The following CTNNBL1 variants were observed in gnomAD, a reference collection of about 807,000 sequenced individuals.
CTNNBL1 encodes beta-catenin-like protein 1.
A neutral mutation model predicts 72.7 loss-of-function variants in CTNNBL1; 31 were observed. The observed-to-expected ratio is 0.43, with a 90% CI of 0.32 to 0.58. CTNNBL1 has a LOEUF of 0.58. Among genes scored for constraint, CTNNBL1 ranks in the 20% least tolerant of loss-of-function variants. The probability of loss-of-function intolerance (pLI) is 0.08; values close to 1 mark genes in which losing one functional copy is unlikely to be tolerated. For synonymous variants in CTNNBL1, 240 were observed against 267.3 expected (o/e 0.90, Z 1.00); for missense variants, 534 against 725.1 (o/e 0.74, Z 3.03).
intron 5 of CTNNBL1, among the ~76,000 whole-genome samples, chr20:37,760,236 C>G (rs975456993): frequency 6.6e-6 from 1 of 152,164 alleles, no homozygotes; most frequent in African/African-American, 2.4e-5. Context: ...GCTTACCTCT[C>G]CAAAGATGAC....
intron 13 of CTNNBL1, among the ~76,000 whole-genome samples, chr20:37,858,302 ACT>A (rs1353219720): frequency 1.3e-5 from 2 of 152,198 alleles, no homozygotes; most frequent in Admixed American, 6.5e-5. Context: ...CTCACAGTCC[ACT>A]CTCATGAAAT....
chr20:37,831,935 AT>A (rs1393081439), intron 11 of CTNNBL1, among the ~76,000 whole-genome samples: 11 of 152,214 alleles, frequency 7.2e-5, no homozygotes, highest in Non-Finnish European at 1.5e-4. Context: ...AAGGCAAATG[AT>A]TATCATGGCC....
intron 1 of CTNNBL1, among the ~76,000 whole-genome samples, chr20:37,716,451 A>G (rs1020714957): frequency 4.6e-5 from 7 of 152,278 alleles, no homozygotes; most frequent in African/African-American, 1.7e-4. Flanking sequence ...CAGGTGGGGA[A>G]GTATTTCTGA....
chr20:37,804,569 A>G (rs558977527), intron 11 of CTNNBL1, among the ~76,000 whole-genome samples: 1 of 152,350 alleles, frequency 6.6e-6, no homozygotes, highest in Admixed American at 6.5e-5. Flanking sequence ...AGAAGCTCTG[A>G]TAGCCACACC....
chr20:37,822,011 G>T (rs550705960), intron 11 of CTNNBL1, among the ~76,000 whole-genome samples: 1 of 152,120 alleles, frequency 6.6e-6, no homozygotes, highest in Admixed American at 6.5e-5. Context: ...AGATCTTCCA[G>T]ATCTCAGGAC....
chr20:37,805,185 C>T (rs1346771340), intron 11 of CTNNBL1, among the ~76,000 whole-genome samples: 1 of 152,224 alleles, frequency 6.6e-6, no homozygotes, highest in Admixed American at 6.5e-5. Context: ...TGTTGGCCTC[C>T]GAGTGCCAGC....
intron 9 of CTNNBL1, among the ~76,000 whole-genome samples, chr20:37,778,641 G>A (rs1004881793): frequency 6.6e-6 from 1 of 152,180 alleles, no homozygotes; most frequent in Non-Finnish European, 1.5e-5. Flanking sequence ...GCTCCCCTGT[G>A]AGGGAATTCA....
intron 1 of CTNNBL1, chr20:37,727,155 T>C (rs1249197412): frequency 6.3e-6 from 1 of 158,016 alleles, no homozygotes; most frequent in East Asian, 1.9e-4. Flanking sequence ...CACTGCTTTT[T>C]AATTAAAAAA....
chr20:37,866,573 T>C (rs2072538875), intron 15 of CTNNBL1, among the ~76,000 whole-genome samples: 1 of 152,204 alleles, frequency 6.6e-6, no homozygotes, highest in African/African-American at 2.4e-5. Flanking sequence ...GCCTGTTACA[T>C]GTTAGCTGTC....
intron 1 of CTNNBL1, among the ~76,000 whole-genome samples, chr20:37,703,567 G>A (rs1420299934): frequency 1.3e-5 from 2 of 152,114 alleles, no homozygotes; most frequent in Non-Finnish European, 2.9e-5. Context: ...TTTGCAGACA[G>A]CTCTTAGTTC....
chr20:37,816,475 G>A (rs1047691219), intron 11 of CTNNBL1, among the ~76,000 whole-genome samples: 1 of 152,136 alleles, frequency 6.6e-6, no homozygotes, highest in South Asian at 2.1e-4. Context: ...CTTGAGTGTC[G>A]TTTGTTCTCT....
At chr20:37,754,690 G>A (rs188621073) in intron 4 of CTNNBL1, among the ~76,000 whole-genome samples, 38 of 152,222 alleles carry the variant, frequency 2.5e-4, no homozygotes, top group African/African-American at 7.9e-4. Flanking sequence ...GAATGTAGCC[G>A]TGTTTAAACT....
chr20:37,708,178 C>T (rs565656974), intron 1 of CTNNBL1, among the ~76,000 whole-genome samples: 40 of 151,160 alleles, frequency 2.6e-4, no homozygotes, highest in Middle Eastern at 3.5e-3. Context: ...AAAATGGCAG[C>T]GATAGACTTT....
intron 7 of CTNNBL1, among the ~76,000 whole-genome samples, chr20:37,775,871 G>C (rs79310926): frequency 0.013 from 1,937 of 152,308 alleles, 16 homozygotes; most frequent in Middle Eastern, 0.031. Context: ...TTTCAGTTAA[G>C]TGTCTTGTTT....
chr20:37,775,622 T>G (rs1426478672), intron 7 of CTNNBL1, among the ~76,000 whole-genome samples: 1 of 152,226 alleles, frequency 6.6e-6, no homozygotes, highest in African/African-American at 2.4e-5. Flanking sequence ...TTAATTTTAA[T>G]TCAGTGTAAG....
intron 10 of CTNNBL1, 70 bp from the exon 11 acceptor site, chr20:37,802,797 A>G: frequency 8.1e-7 from 1 of 1,236,472 alleles, no homozygotes; most frequent in Non-Finnish European, 1.1e-6. Flanking sequence ...GGCAGCAAAT[A>G]CCCTTTTTTT....
Position 37,842,416 on chromosome 20 carries a change from A to G in CTNNBL1, c.1389A>G (p.Lys463=), listed in dbSNP as rs527292299. Residue 463 remains lysine, a synonymous_variant, in exon 13 of 16, where the codon AAA becomes AAG. Transcript: ENST00000361383. The part of the protein sequence containing the change: ...QVADKKIEGE[K]HDMVRRGEII... The stretch of plus-strand genomic sequence containing the variant: ...CGGACAAGAAGATTGAAGGGGAAAA[A>G]CACGTATGTATCCCTGCCTCACTTT... 2.0e-5 allele frequency: 32 copies of G among 1,611,444 alleles called. No homozygotes were observed. In the East Asian group the frequency reaches 6.9e-4, roughly 35 times the overall value.
intron 1 of CTNNBL1, among the ~76,000 whole-genome samples, chr20:37,723,286 G>T (rs564425734): frequency 6.6e-6 from 1 of 152,324 alleles, no homozygotes; most frequent in African/African-American, 2.4e-5. Context: ...ATCCATCTTA[G>T]CTGTCAGCCA....
intron 7 of CTNNBL1, among the ~76,000 whole-genome samples, chr20:37,769,798 G>A (rs1364744265): frequency 6.6e-6 from 1 of 152,200 alleles, no homozygotes; most frequent in African/African-American, 2.4e-5. Context: ...GCCTTGCTCT[G>A]CTTCAGAATG....
Sources: allele counts gnomAD v4.1 joint callset (sites outside exome capture counted in the v4.1 genomes callset), GRCh38; gene constraint gnomAD v4.1.1; transcripts MANE v1.5; gene names NCBI Gene and HGNC (gene_info 2026-07-23, HGNC 2026-07-21).